The following STK32B variants were observed in gnomAD, a reference collection of about 807,000 sequenced individuals.
STK32B encodes serine/threonine-protein kinase 32B.
A neutral mutation model predicts 52.6 loss-of-function variants in STK32B; 43 were observed. The ratio of observed to expected loss-of-function variants is 0.82; its 90% CI spans 0.64 to 1.05. The LOEUF is 1.05. STK32B is among the 50% of genes least tolerant of loss of function. The pLI, the probability that STK32B is intolerant of heterozygous loss-of-function variation, is 0.00. For synonymous variants in STK32B, 238 were observed against 204.3 expected, an observed-to-expected ratio of 1.17 and a Z score of -1.41; for missense variants, 621 against 534.6, an observed-to-expected ratio of 1.16 and a Z score of -1.59.
chr4:5,228,850 C>A (rs1724049436), intron 3 of STK32B, among the ~76,000 whole-genome samples: 1 of 151,998 alleles, frequency 6.6e-6, no homozygotes, highest in East Asian at 1.9e-4. Context: ...GCCTGTAATC[C>A]CAGCTACTCG....
At position 5,246,798 on chromosome 4, in the gene STK32B, A is replaced by C. The variant is rs191095999; in HGVS notation, c.260+78348A>C. ...TTTAGTTTTCCTTCTAACAGTCAGG[A>C]CCCTCCACTGCAGGTCTGTTGGAGT... On this transcript the variant is annotated intron_variant, in intron 3 of 11. Transcript: ENST00000282908. Among the ~76,000 whole-genome samples, 1,228 of 151,916 alleles carry C rather than the reference A, an allele frequency of 8.1e-3. 21 individuals are homozygous for C. Among genetic ancestry groups the C allele is most frequent in the African/African-American group, 0.022 (897 of 41,416 alleles).
chr4:5,178,576 A>G (rs1026260368), intron 3 of STK32B, among the ~76,000 whole-genome samples: 24 of 152,332 alleles, frequency 1.6e-4, no homozygotes, highest in African/African-American at 5.5e-4. Context: ...TCACGTTTTC[A>G]GTTTGCACAT....
chr4:5,139,364 C>T (rs562808382), intron 1 of STK32B, among the ~76,000 whole-genome samples: 75 of 152,280 alleles, frequency 4.9e-4, no homozygotes, highest in African/African-American at 1.7e-3. Flanking sequence ...GCTAGAGACA[C>T]CTTGGAGAGC....
chr4:5,388,065 A>G (rs557618891), intron 4 of STK32B, among the ~76,000 whole-genome samples: 1 of 152,258 alleles, frequency 6.6e-6, no homozygotes, highest in East Asian at 1.9e-4. Context: ...CTTTTTAACT[A>G]TGACCATGGA....
chr4:5,095,476 G>A lies in STK32B; in HGVS notation c.52+43561G>A, dbSNP rs192288969. 2.6e-3 allele frequency among the ~76,000 whole-genome samples: 397 copies of A among 152,204 alleles called. 2 individuals carry two copies. Among genetic ancestry groups the A allele is most frequent in the South Asian group, 4.1e-3 (20 of 4,824 alleles). Reference sequence around the variant, plus strand: ...TTAAAACTATAAAAACTAGCCAGGCGTGGTGGCACATGCCTGTAGTCCCAG... The same window carrying A: ...TTAAAACTATAAAAACTAGCCAGGCATGGTGGCACATGCCTGTAGTCCCAG... On this transcript the variant is annotated intron_variant, in intron 1 of 11. Coordinates refer to ENST00000282908, the MANE Select transcript of STK32B (RefSeq NM_018401.3).
At chr4:5,491,831 A>G (rs1719761099) in intron 11 of STK32B, among the ~76,000 whole-genome samples, 1 of 152,276 alleles carries the variant, frequency 6.6e-6, no homozygotes, top group Admixed American at 6.5e-5. Context: ...TTTATTAAAT[A>G]GGGAATCCTT....
At chr4:5,209,712 T>A (rs1722792041) in intron 3 of STK32B, among the ~76,000 whole-genome samples, 1 of 152,224 alleles carries the variant, frequency 6.6e-6, no homozygotes, top group South Asian at 2.1e-4. Context: ...CTGGTCTCTG[T>A]GTTAGATCCC....
chr4:5,091,779 G>C lies in STK32B; in HGVS notation c.52+39864G>C, dbSNP rs561484879. Among the ~76,000 whole-genome samples the C allele has an allele frequency of 2.0e-5, 3 of 152,276 alleles. No homozygotes were observed. The East Asian group carries it at 5.8e-4, about 29-fold the overall frequency. On this transcript the variant is annotated intron_variant, in intron 1 of 11. Transcript: ENST00000282908. Reference sequence around the variant, plus strand: ...AAAACATGCAGAATTATTCATAATAGCCAACAAGAAGGAGTAGGGCAAATG... The same window carrying C: ...AAAACATGCAGAATTATTCATAATACCCAACAAGAAGGAGTAGGGCAAATG...
chr4:5,032,805 C>T, the STK32B span, among the ~76,000 whole-genome samples: 1 of 152,136 alleles, frequency 6.6e-6, no homozygotes, highest in African/African-American at 2.4e-5. Flanking sequence ...CTCCTCGCTC[C>T]CTCCAGACCC....
At chr4:5,498,436 C>T (rs181333570) in intron 11 of STK32B, among the ~76,000 whole-genome samples, 1 of 152,154 alleles carries the variant, frequency 6.6e-6, no homozygotes, top group Non-Finnish European at 1.5e-5. Context: ...TTGATTAGTG[C>T]CTGTCTCCCC....
chr4:5,105,560 T>C (rs1201393439), intron 1 of STK32B, among the ~76,000 whole-genome samples: 1 of 152,052 alleles, frequency 6.6e-6, no homozygotes, highest in Admixed American at 6.5e-5. Flanking sequence ...TTTTACTCTC[T>C]TGCTGGTGTC....
chr4:5,168,940 C>T (rs750161588), intron 3 of STK32B, among the ~76,000 whole-genome samples: 1 of 152,314 alleles, frequency 6.6e-6, no homozygotes, highest in Non-Finnish European at 1.5e-5. Flanking sequence ...CACTCCAACC[C>T]GTCCTTGGCT....
intron 5 of STK32B, among the ~76,000 whole-genome samples, chr4:5,408,635 T>C (rs931864072): frequency 6.6e-6 from 1 of 152,128 alleles, no homozygotes; most frequent in Non-Finnish European, 1.5e-5. Context: ...CCCTCCTATA[T>C]TGCTGCTAAC....
the STK32B span, among the ~76,000 whole-genome samples, chr4:5,043,968 A>G: frequency 1.3e-5 from 2 of 152,190 alleles, no homozygotes; most frequent in Non-Finnish European, 1.5e-5. Context: ...GCCTCCACAT[A>G]GGTTTTTATC....
intron 1 of STK32B, among the ~76,000 whole-genome samples, chr4:5,113,823 G>A (rs1714541629): frequency 6.6e-6 from 1 of 152,194 alleles, no homozygotes. Flanking sequence ...GTTCCACATG[G>A]CCGGGGAGGC....
intron 3 of STK32B, among the ~76,000 whole-genome samples, chr4:5,317,365 A>G (rs1731126250): frequency 1.2e-5 from 1 of 81,816 alleles, no homozygotes; most frequent in Non-Finnish European, 1.9e-5. Flanking sequence ...TATATAATGT[A>G]TATGTATTAT....
chr4:5,491,675 A>T (rs1034941832), intron 11 of STK32B, among the ~76,000 whole-genome samples: 6 of 152,040 alleles, frequency 3.9e-5, no homozygotes, highest in South Asian at 2.1e-4. Flanking sequence ...CTGAATGGTA[A>T]TGCCTAGGTT....
At chr4:5,157,182 C>T (rs986532356) in intron 2 of STK32B, among the ~76,000 whole-genome samples, 2 of 151,494 alleles carry the variant, frequency 1.3e-5, no homozygotes, top group African/African-American at 4.9e-5. Context: ...TTTCAAGGTA[C>T]TGGGTCTCTA....
chr4:5,451,257 T>G (rs1326336981), intron 7 of STK32B, among the ~76,000 whole-genome samples: 1 of 152,080 alleles, frequency 6.6e-6, no homozygotes, highest in East Asian at 1.9e-4. Context: ...GGAGAAGACA[T>G]TGAAGTTCGG....
Sources: allele counts gnomAD v4.1 joint callset (sites outside exome capture counted in the v4.1 genomes callset), GRCh38; gene constraint gnomAD v4.1.1; transcripts MANE v1.5; gene names NCBI Gene and HGNC (gene_info 2026-07-23, HGNC 2026-07-21).